BRD8: variants seen among roughly 807,000 people sequenced by gnomAD.
BRD8 encodes bromodomain containing 8.
In BRD8, 67 loss-of-function variants were observed where a neutral mutation model predicts 143.1. That is an observed-to-expected ratio of 0.47 (90% CI 0.38 to 0.57). The LOEUF (loss-of-function observed/expected upper bound fraction) is 0.57. Ranked by LOEUF, BRD8 falls within the 20% of genes least tolerant of loss-of-function variation. BRD8 has a pLI of 0.00. For missense variants in BRD8, 1,103 were observed against 1,503.0 expected (o/e 0.73, Z 4.40); for synonymous variants, 505 against 517.1 (o/e 0.98, Z 0.32).
At chr5:138,161,141 T>C in intron 17 of BRD8, 73 bp from the exon 18 acceptor site, 2 of 1,216,510 alleles carry the variant, frequency 1.6e-6, no homozygotes, top group Non-Finnish European at 2.3e-6. Context: ...GAATACATTA[T>C]CATATAGACT....
chr5:138,171,414 T>G lies in BRD8; in HGVS notation c.187-4A>C, dbSNP rs1561619451. ...CCGAGTACTGGGAAGCACAATGCTA[T>G]TAAAAAAAAAAAAAAAAGTGAAAAT... On this transcript the variant is annotated splice_region_variant and splice_polypyrimidine_tract_variant and intron_variant, in intron 3 of 26. Transcript: ENST00000254900. 2 of 1,425,244 alleles carry G rather than the reference T, an allele frequency of 1.4e-6. No individual in the cohort carries two copies. Among genetic ancestry groups the G allele is most frequent in the South Asian group, 1.2e-5 (1 of 80,420 alleles). 88.3% of individuals were successfully genotyped at this position (1,425,244 alleles called of 1,614,324 possible).
At chr5:138,169,411 C>A in intron 7 of BRD8, 53 bp from the exon 8 acceptor site, 3 of 1,585,926 alleles carry the variant, frequency 1.9e-6, no homozygotes, top group Non-Finnish European at 2.6e-6. Context: ...ATAAATGAAA[C>A]TTGACACTAG....
rs1464765257 is a variant in BRD8 at position 138,160,901 on chromosome 5, T to G, written c.2417A>C (p.Glu806Ala). 1 of 1,608,920 alleles carries G rather than the reference T, an allele frequency of 6.2e-7. No individual in the cohort carries two copies. The highest frequency in any genetic ancestry group is 8.5e-7 in the Non-Finnish European group (1 of 1,177,758). Residue 806 changes from glutamate (E) to alanine (A), a missense_variant, in exon 18 of 27, where the codon GAA becomes GCA. Transcript: ENST00000254900. The part of the protein sequence containing the change: ...MAVEMQRDVL[E>A]QIQQFLATQL... ...GGATCCTCAAAGTACCTGGATCTGT[T>G]CCAAGACATCTCGCTGCATCTCCAC...
chr5:138,150,677 C>T, intron 22 of BRD8, 68 bp downstream of exon 22: 3 of 1,507,862 alleles, frequency 2.0e-6, no homozygotes, highest in Non-Finnish European at 2.7e-6. Context: ...CCTATGTGCT[C>T]TAACTACTCT....
At position 138,171,414 on chromosome 5, in the gene BRD8, T is replaced by C; in HGVS notation, c.187-4A>G. On this transcript the variant is annotated splice_region_variant and splice_polypyrimidine_tract_variant and intron_variant, in intron 3 of 26. Transcript: ENST00000254900. ...CCGAGTACTGGGAAGCACAATGCTA[T>C]TAAAAAAAAAAAAAAAAGTGAAAAT... is the stretch of plus-strand genomic sequence containing the variant. 7.0e-7 allele frequency: 1 copy of C among 1,425,238 alleles called. No individual in the cohort carries two copies. The highest frequency in any genetic ancestry group is 2.4e-5 in the Admixed American group (1 of 40,930). 88.3% of individuals were successfully genotyped at this position (1,425,238 alleles called of 1,614,324 possible). A position where few individuals can be genotyped will look rare whatever the true frequency, so the allele number is the denominator to read the frequency against.
At position 138,160,096 on chromosome 5, in the gene BRD8, A is replaced by G. The variant is rs777158225; in HGVS notation, c.2505T>C (p.Ser835=). 1 of 1,614,108 alleles carries G rather than the reference A, an allele frequency of 6.2e-7. No individual in the cohort carries two copies. The highest frequency in any genetic ancestry group is 1.7e-4 in the Middle Eastern group (1 of 6,058). ...TCTCTGAAGCATCCTGTTTGCGGGT[A>G]GAATCTCTCCCTCGAAGACTTTTAG... ...ISAKSLRGRD[S]TRKQDASEKD... Residue 835 remains serine (S), a synonymous_variant, in exon 19 of 27, where the codon TCT becomes TCC. Coordinates refer to ENST00000254900, the MANE Select transcript of BRD8 (RefSeq NM_139199.2).
chr5:138,155,515 T>C (rs886380029), intron 20 of BRD8, among the ~76,000 whole-genome samples: 4 of 151,866 alleles, frequency 2.6e-5, no homozygotes, highest in Non-Finnish European at 2.9e-5. Context: ...AAAAAAGTTA[T>C]TAACAGAAGT....
intron 11 of BRD8, 85 bp downstream of exon 11, chr5:138,165,743 A>AAGC (rs1283848903): frequency 2.9e-6 from 4 of 1,389,240 alleles, no homozygotes; most frequent in East Asian, 2.3e-5. Context: ...AAAAAAAAAA[A>AAGC]AGCAGCAGCA....
chr5:138,164,717 T>C lies in BRD8; in HGVS notation c.1728A>G (p.Thr576=), dbSNP rs776983757. Residue 576 remains threonine (T), a synonymous_variant, in exon 12 of 27, where the codon ACA becomes ACG. Transcript: ENST00000254900. ...AGCCCCGATCTTTCTTAAGTACCTC[T>C]GTCTTCACATTTGTAAGTGGAGTCT... ...GDETPLTNVK[T]EASPESMLSP... 1.2e-5 allele frequency: 20 copies of C among 1,614,130 alleles called. No individual in the cohort carries two copies. In the South Asian group the frequency reaches 1.6e-4, roughly 13 times the overall value.
chr5:138,152,400 G>GATT, intron 21 of BRD8, 82 bp downstream of exon 21: 1 of 1,531,714 alleles, frequency 6.5e-7, no homozygotes, highest in Non-Finnish European at 8.8e-7. Context: ...ACAATATTAA[G>GATT]AGTGGTAGAA....
rs551227351 is a variant in BRD8, at chr5:138,153,635, C to T, written c.2578-875G>A. On this transcript the variant is annotated intron_variant, in intron 20 of 26. Coordinates refer to ENST00000254900, the MANE Select transcript of BRD8 (RefSeq NM_139199.2). The stretch of plus-strand genomic sequence containing the variant: ...TTATCTCCAAAATCACTGCTTCTTC[C>T]CAATTTCCTTATCCCCATCACCATT... 4.6e-5 allele frequency among the ~76,000 whole-genome samples: 7 copies of T among 151,838 alleles called. No individual in the cohort carries two copies. In the South Asian group the frequency reaches 1.5e-3, roughly 32 times the overall value.
chr5:138,162,263 G>C, intron 15 of BRD8, 117 bp from the exon 16 acceptor site: 1 of 755,068 alleles, frequency 1.3e-6, no homozygotes, highest in Non-Finnish European at 2.1e-6. Context: ...GCAGTGGCAT[G>C]ATCATGTTCA....
intron 20 of BRD8, among the ~76,000 whole-genome samples, chr5:138,155,386 T>C (rs56096543): frequency 6.7e-6 from 1 of 149,712 alleles, no homozygotes; most frequent in Non-Finnish European, 1.5e-5. Context: ...GAGGCGGAGG[T>C]TGCAGTGAGC....
intron 20 of BRD8, among the ~76,000 whole-genome samples, chr5:138,158,053 G>C (rs1055167509): frequency 6.6e-6 from 1 of 152,144 alleles, no homozygotes; most frequent in African/African-American, 2.4e-5. Flanking sequence ...AACATAAGTT[G>C]CCCATGAGGC....
At position 138,165,843 on chromosome 5, in the gene BRD8, G is replaced by A. The variant is rs569466869; in HGVS notation, c.1263C>T (p.Ala421=). The change falls in exon 11 of 27, where the codon GCC becomes GCT. Residue 421 remains alanine (A), a synonymous_variant. Coordinates refer to ENST00000254900, the MANE Select transcript of BRD8 (RefSeq NM_139199.2). ...LDFETVGDII[A]IIEDKVDDHP... is the part of the protein sequence containing the mutation. ...GAATAGTTACCTTGTCCTCAATGAT[G>A]GCAATGATGTCTCCAACAGTCTCAA... 6.2e-7 allele frequency: 1 copy of A among 1,613,718 alleles called. No individual in the cohort carries two copies. The highest frequency in any genetic ancestry group is 1.3e-5 in the African/African-American group (1 of 74,988).
rs1752344220 is a variant in BRD8, at chr5:138,150,736, C to T, written c.3120+9G>A. ...CCAACAAGACAGCTGATTTAAGTTA[C>T]TTTCTTACCTCTTCACTCTCTGTGA... On this transcript the variant is annotated intron_variant, in intron 22 of 26. Transcript: ENST00000254900. 1 of 1,597,614 alleles carries T rather than the reference C, an allele frequency of 6.3e-7. No individual in the cohort carries two copies. The highest frequency in any genetic ancestry group is 8.5e-7 in the Non-Finnish European group (1 of 1,173,134).
At position 138,164,710 on chromosome 5, in the gene BRD8, G is replaced by T; in HGVS notation, c.1731+4C>A. Reference sequence around the variant, plus strand: ...TCTCCCCAGCCCCGATCTTTCTTAAGTACCTCTGTCTTCACATTTGTAAGT... The same window carrying T: ...TCTCCCCAGCCCCGATCTTTCTTAATTACCTCTGTCTTCACATTTGTAAGT... On this transcript the variant is annotated splice_donor_region_variant and intron_variant, in intron 12 of 26. Transcript: ENST00000254900. 1 of 1,613,884 alleles carries T rather than the reference G, an allele frequency of 6.2e-7. No homozygotes were observed. The highest frequency in any genetic ancestry group is 8.5e-7 in the Non-Finnish European group (1 of 1,179,898).
intron 2 of BRD8, 66 bp from the exon 3 acceptor site, chr5:138,172,200 G>T: frequency 7.6e-7 from 1 of 1,313,724 alleles, no homozygotes; most frequent in Non-Finnish European, 1.1e-6. Flanking sequence ...TGCTGAGAGT[G>T]CAAGGCTTGG....
chr5:138,169,426 C>G (rs1341401466), intron 7 of BRD8, 68 bp from the exon 8 acceptor site: 26 of 1,541,566 alleles, frequency 1.7e-5, no homozygotes, highest in African/African-American at 4.1e-5. Context: ...CACTAGTCTG[C>G]TATTATACAA....
Sources: allele counts gnomAD v4.1 joint callset (sites outside exome capture counted in the v4.1 genomes callset), GRCh38; gene constraint gnomAD v4.1.1; transcripts MANE v1.5; gene names NCBI Gene and HGNC (gene_info 2026-07-23, HGNC 2026-07-21).